The following CLASP1 variants were observed in gnomAD, a reference collection of about 807,000 sequenced individuals.
CLASP1 encodes the protein CLIP-associating protein 1.
In CLASP1, 38 loss-of-function variants were observed where a neutral mutation model predicts 192.3. The observed-to-expected ratio is 0.20, with a 90% CI of 0.15 to 0.26. CLASP1 has a LOEUF of 0.26. Ranked by LOEUF, CLASP1 falls within the 10% of genes least tolerant of loss-of-function variation. The pLI is 1.00. For synonymous variants in CLASP1, 691 were observed against 712.8 expected, an observed-to-expected ratio of 0.97 and a Z score of 0.49; for missense variants, 1,433 against 1,932.5, an observed-to-expected ratio of 0.74 and a Z score of 4.85.
intron 7 of CLASP1, among the ~76,000 whole-genome samples, chr2:121,512,774 T>C (rs1433434764): frequency 2.0e-5 from 3 of 152,258 alleles, no homozygotes; most frequent in Non-Finnish European, 4.4e-5. Flanking sequence ...TTAAGTCATT[T>C]AGGTGATCTC....
intron 39 of CLASP1, among the ~76,000 whole-genome samples, chr2:121,344,821 T>C (rs1170700609): frequency 6.6e-6 from 1 of 152,064 alleles, no homozygotes; most frequent in African/African-American, 2.4e-5. Flanking sequence ...GATGTGTACC[T>C]GAGTCTACAA....
chr2:121,389,517 T>C (rs932136920), intron 30 of CLASP1, among the ~76,000 whole-genome samples: 2 of 149,486 alleles, frequency 1.3e-5, no homozygotes, highest in African/African-American at 2.5e-5. Flanking sequence ...AGAAAAATAA[T>C]GCACTACAAG....
intron 8 of CLASP1, among the ~76,000 whole-genome samples, chr2:121,475,094 C>A: frequency 6.6e-6 from 1 of 152,130 alleles, no homozygotes; most frequent in East Asian, 1.9e-4. Context: ...CCCTGCACAA[C>A]AACTTAAGAT....
chr2:121,612,328 C>T (rs2065746618), intron 1 of CLASP1, among the ~76,000 whole-genome samples: 1 of 146,370 alleles, frequency 6.8e-6, no homozygotes, highest in African/African-American at 2.6e-5. Flanking sequence ...AGAGGAGTTA[C>T]AGGAGGAAGA....
intron 38 of CLASP1, among the ~76,000 whole-genome samples, chr2:121,348,133 T>G (rs1447803366): frequency 6.6e-6 from 1 of 151,990 alleles, no homozygotes; most frequent in Non-Finnish European, 1.5e-5. Context: ...AGTAAGTATT[T>G]GTGTGCTGCA....
intron 8 of CLASP1, among the ~76,000 whole-genome samples, chr2:121,496,833 C>T (rs2150194224): frequency 6.6e-6 from 1 of 152,016 alleles, no homozygotes; most frequent in Middle Eastern, 3.4e-3. Flanking sequence ...TTTGGGATGC[C>T]AACAGATGAA....
At chr2:121,400,350 A>G (rs2075978164) in intron 28 of CLASP1, among the ~76,000 whole-genome samples, 1 of 152,224 alleles carries the variant, frequency 6.6e-6, no homozygotes, top group Non-Finnish European at 1.5e-5. Context: ...GACAGGGTCA[A>G]GGGCCAAAAG....
intron 8 of CLASP1, among the ~76,000 whole-genome samples, chr2:121,489,591 C>T (rs570279585): frequency 1.3e-5 from 2 of 152,362 alleles, no homozygotes; most frequent in East Asian, 3.9e-4. Flanking sequence ...GTTCCCATCA[C>T]ATCAACTGTA....
chr2:121,530,264 T>C (rs1182626447), exon 3 of CLASP1: 33 of 1,552,186 alleles, frequency 2.1e-5, no homozygotes, highest in Non-Finnish European at 2.8e-5. Flanking sequence ...GATCTGCGCC[T>C]TGAACCGATC....
chr2:121,640,623 C>A (rs1343345034), intron 1 of CLASP1, among the ~76,000 whole-genome samples: 1 of 151,832 alleles, frequency 6.6e-6, no homozygotes, highest in East Asian at 1.9e-4. Context: ...CAGATAGTGG[C>A]AGCATACCTT....
chr2:121,539,651 A>T (rs2095184183), intron 2 of CLASP1, among the ~76,000 whole-genome samples: 1 of 152,246 alleles, frequency 6.6e-6, no homozygotes, highest in Non-Finnish European at 1.5e-5. Flanking sequence ...TAGAATTAAG[A>T]ACTTTGGCAT....
chr2:121,447,464 G>A (rs1279080270), exon 19 of CLASP1: 1 of 1,556,512 alleles, frequency 6.4e-7, no homozygotes, highest in Non-Finnish European at 8.7e-7. Flanking sequence ...GAGATCGCTG[G>A]AGGGACCCAG....
At chr2:121,367,715 C>T (rs1313282584) in exon 35 of CLASP1, 3 of 1,613,978 alleles carry the variant, frequency 1.9e-6, no homozygotes, top group East Asian at 2.2e-5. Flanking sequence ...GGAAGGCGCG[C>T]GGAGGCTGGG....
chr2:121,539,926 T>C (rs2095192196), intron 2 of CLASP1, among the ~76,000 whole-genome samples: 1 of 152,176 alleles, frequency 6.6e-6, no homozygotes, highest in Non-Finnish European at 1.5e-5. Context: ...ACACTCACAA[T>C]GGCTAAAACG....
At position 121,462,616 on chromosome 2, in the gene CLASP1, G is replaced by T. The variant is rs1313465325; in HGVS notation, c.866-11C>A. 2 of 1,565,416 alleles carry T rather than the reference G, an allele frequency of 1.3e-6. No individual in the cohort carries two copies. The highest frequency in any genetic ancestry group is 1.8e-6 in the Non-Finnish European group (2 of 1,141,802). The stretch of plus-strand genomic sequence containing the variant: ...CTCCTTCTTTTGCAGCTGTAAAAAA[G>T]AATTTTAAAAATGTAAACAATATGA... On this transcript the variant is annotated splice_polypyrimidine_tract_variant and intron_variant, in intron 9 of 39. Transcript: ENST00000263710.
chr2:121,377,777 A>T, intron 33 of CLASP1, 128 bp from the exon 35 acceptor site: 1 of 628,974 alleles, frequency 1.6e-6, no homozygotes, highest in Non-Finnish European at 2.5e-6. Flanking sequence ...GGTGATTTGG[A>T]ATGAAAAGGA....
chr2:121,389,473 A>T (rs2073955674), intron 30 of CLASP1, among the ~76,000 whole-genome samples: 1 of 142,878 alleles, frequency 7.0e-6, no homozygotes, highest in Non-Finnish European at 1.5e-5. Context: ...AAAACATTGT[A>T]TTAGGTGTTA....
chr2:121,563,430 T>C (rs905840084), intron 2 of CLASP1, among the ~76,000 whole-genome samples: 11 of 152,214 alleles, frequency 7.2e-5, no homozygotes, highest in African/African-American at 2.4e-4. Flanking sequence ...GCATCACCTC[T>C]TCCATTCCAG....
chr2:121,629,801 A>T (rs1431995703), intron 1 of CLASP1, among the ~76,000 whole-genome samples: 1 of 152,134 alleles, frequency 6.6e-6, no homozygotes, highest in African/African-American at 2.4e-5. Context: ...CAAAAAAAAT[A>T]AAAAAGCAAA....
Sources: allele counts gnomAD v4.1 joint callset (sites outside exome capture counted in the v4.1 genomes callset), GRCh38; gene constraint gnomAD v4.1.1; transcripts MANE v1.5; gene names NCBI Gene and HGNC (gene_info 2026-07-23, HGNC 2026-07-21).